ZNF582: variants seen among roughly 807,000 people sequenced by gnomAD.
ZNF582 encodes zinc finger protein 582.
ZNF582 carries 14 observed loss-of-function variants against 12.3 expected under a neutral mutation model. The observed-to-expected ratio is 1.14, with a 90% CI of 0.75 to 1.78. The LOEUF is 1.78. Among genes scored for constraint, ZNF582 ranks in the 40% most tolerant of loss-of-function variants. The probability of loss-of-function intolerance (pLI) is 0.00; values close to 1 mark genes in which losing one functional copy is unlikely to be tolerated. For missense variants in ZNF582, 567 were observed against 616.5 expected (o/e 0.92, Z 0.85); for synonymous variants, 210 against 207.2 (o/e 1.01, Z -0.11).
At chr19:56,390,089 G>C (rs765758743) in exon 4 of ZNF582, 2 of 1,613,592 alleles carry the variant, frequency 1.2e-6, no homozygotes, top group South Asian at 2.2e-5. Context: ...GTTTGGAAAC[G>C]GCAAGACCTG....
rs1423473119 is a variant in ZNF582 at position 56,384,268 on chromosome 19, C to CAA, written c.1148_1149insTT (p.Lys383AsnfsTer57). On this transcript the variant is annotated frameshift_variant, in exon 5 of 5. Transcript: ENST00000586929. LOFTEE classifies it low-confidence loss of function (END_TRUNC). The stretch of plus-strand genomic sequence containing the variant: ...CTCCAGTGTGAATTCTCTGATGTTG[C>CAA]TTGAGTTGTGAGCTCACTCTAAAGG... 4 of 1,613,832 alleles carry CAA rather than the reference C, an allele frequency of 2.5e-6. No homozygotes were observed. In the East Asian group the frequency reaches 8.9e-5, roughly 36 times the overall value.
chr19:56,391,715 G>A (rs919791100), intron 2 of ZNF582, 29 bp downstream of exon 2: 1 of 1,600,504 alleles, frequency 6.2e-7, no homozygotes, highest in Non-Finnish European at 8.6e-7. Flanking sequence ...GATAAGGAAA[G>A]CAAATATTTA....
At chr19:56,388,570 G>A (rs1184100586) in intron 4 of ZNF582, 1 of 152,138 alleles carries the variant, frequency 6.6e-6, no homozygotes, top group Non-Finnish European at 1.5e-5. Context: ...TATTTCTACA[G>A]TGCTTTCCCT....
Position 56,390,466 on chromosome 19 carries a change from GA to G in ZNF582, c.44del (p.Phe15SerfsTer20), listed in dbSNP as rs1314067406. ...CCAACCACTGCCATTCTTCTTGGGA[GA>G]AGACTATGGCCACATCCCTGAACAA... On this transcript the variant is annotated frameshift_variant, in exon 3 of 5. Coordinates refer to ENST00000586929, the Ensembl canonical transcript of ZNF582. LOFTEE classifies it high-confidence loss of function. 1 of 1,614,126 alleles carries G rather than the reference GA, an allele frequency of 6.2e-7. No homozygotes were observed. Among genetic ancestry groups the G allele is most frequent in the South Asian group, 1.1e-5 (1 of 91,084 alleles).
chr19:56,387,871 G>C (rs2041981012), intron 4 of ZNF582, among the ~76,000 whole-genome samples: 1 of 152,192 alleles, frequency 6.6e-6, no homozygotes, highest in Non-Finnish European at 1.5e-5. Context: ...TGACTTTTAT[G>C]CTTCTCCTTT....
At chr19:56,384,938 A>G in exon 5 of ZNF582, 4 of 1,614,114 alleles carry the variant, frequency 2.5e-6, no homozygotes, top group Non-Finnish European at 3.4e-6. Context: ...TTTCTGATAA[A>G]AAGTAAGGGA....
Position 56,384,225 on chromosome 19 carries a change from T to TAC in ZNF582, c.1190_1191dup (p.Lys398ValfsTer42), listed in dbSNP as rs2041942974. The TAC allele has an allele frequency of 6.2e-7, 1 of 1,613,704 alleles. No homozygotes were observed. The highest frequency in any genetic ancestry group is 1.3e-5 in the African/African-American group (1 of 74,888). On this transcript the variant is annotated frameshift_variant, in exon 5 of 5. Transcript: ENST00000586929. LOFTEE classifies it low-confidence loss of function (END_TRUNC). ...CGTTTGAAGGCCCTACCACATACCT[T>TAC]ACATTGGTAGGGTTTCTCTCCAGTG...
exon 5 of ZNF582, chr19:56,384,638 C>A (rs1266353638): frequency 6.2e-7 from 1 of 1,614,126 alleles, no homozygotes; most frequent in Admixed American, 1.7e-5. Context: ...GGCCTTCTCA[C>A]AATCTTTACA....
intron 1 of ZNF582, among the ~76,000 whole-genome samples, chr19:56,392,673 G>A (rs1040580939): frequency 6.6e-6 from 1 of 151,968 alleles, no homozygotes; most frequent in Non-Finnish European, 1.5e-5. Context: ...AGAACATTCA[G>A]CAAAAAGAAG....
intron 3 of ZNF582, 34 bp from the exon 4 acceptor site, chr19:56,390,130 G>A (rs2042002830): frequency 6.2e-7 from 1 of 1,602,252 alleles, no homozygotes; most frequent in Admixed American, 1.7e-5. Context: ...ACCTGGTTAT[G>A]GTGTGGGGGC....
At chr19:56,391,632 G>C in intron 2 of ZNF582, 112 bp downstream of exon 2, 1 of 894,840 alleles carries the variant, frequency 1.1e-6, no homozygotes, top group South Asian at 1.4e-5. Context: ...ACTCCTGCCT[G>C]GTCCTTTTAT....
At chr19:56,387,743 A>G (rs1230821876) in intron 4 of ZNF582, 4 of 152,226 alleles carry the variant, frequency 2.6e-5, no homozygotes, top group Admixed American at 6.5e-5. Context: ...GACTACAGGC[A>G]TGAGTTATTA....
At chr19:56,385,211 T>C (rs756608085) in intron 4 of ZNF582, 27 bp from the exon 5 acceptor site, 1 of 1,537,720 alleles carries the variant, frequency 6.5e-7, no homozygotes, top group Non-Finnish European at 8.7e-7. Flanking sequence ...GCGAATATGT[T>C]TGGCTTCTTT....
chr19:56,387,656 G>A (rs7250753), intron 4 of ZNF582: 36,671 of 152,116 alleles, frequency 0.24, 4,557 homozygotes, highest in Middle Eastern at 0.36. Flanking sequence ...GGAGTGCAGA[G>A]GCACAATCAT....
At chr19:56,392,976 C>G (rs2042028342) in intron 1 of ZNF582, among the ~76,000 whole-genome samples, 1 of 152,162 alleles carries the variant, frequency 6.6e-6, no homozygotes, top group African/African-American at 2.4e-5. Context: ...ATCCTATTTA[C>G]AAAGGATGGC....
At chr19:56,390,009 A>T (rs747272431) in exon 4 of ZNF582, 1 of 1,613,642 alleles carries the variant, frequency 6.2e-7, no homozygotes, top group Non-Finnish European at 8.5e-7. Flanking sequence ...ACCTGGACAC[A>T]GGCCTCCAGA....
chr19:56,382,924 A>G (rs1425167150), exon 5 of ZNF582: 2 of 152,204 alleles, frequency 1.3e-5, no homozygotes, highest in Non-Finnish European at 2.9e-5. Context: ...ATGTTCTTAT[A>G]TAAAAATGTT....
intron 1 of ZNF582, 138 bp from the exon 2 acceptor site, chr19:56,391,970 AACC>A (rs1176710355): frequency 3.0e-6 from 2 of 659,090 alleles, no homozygotes; most frequent in African/African-American, 3.7e-5. Context: ...ATCCTCACCC[AACC>A]CCAGGAAACC....
exon 5 of ZNF582, chr19:56,383,912 A>C: frequency 1.2e-6 from 2 of 1,605,472 alleles, no homozygotes; most frequent in South Asian, 2.2e-5. Flanking sequence ...GTTGCTTGCC[A>C]ACATAAATTC....
Sources: gnomAD v4.1 joint callset for allele counts (sites outside exome capture counted in the v4.1 genomes callset) on GRCh38, gnomAD v4.1.1 for gene constraint, MANE v1.5 for transcripts, NCBI Gene and HGNC (gene_info 2026-07-23, HGNC 2026-07-21) for gene names.